The following IGF1 variants were observed in gnomAD, a reference collection of about 807,000 sequenced individuals.
IGF1 encodes insulin-like growth factor 1.
IGF1 carries 4 observed loss-of-function variants against 13.8 expected under a neutral mutation model. The observed-to-expected ratio is 0.29, with a 90% confidence interval of 0.14 to 0.66. The LOEUF is 0.66. IGF1 is among the 30% of genes least tolerant of loss of function. The probability of loss-of-function intolerance (pLI) is 0.78; values close to 1 mark genes in which losing one functional copy is unlikely to be tolerated. For synonymous variants in IGF1, 76 were observed against 72.6 expected (o/e 1.05, Z -0.23); for missense variants, 124 against 188.5 (o/e 0.66, Z 2.00).
chr12:102,473,743 G>A, intron 2 of IGF1, among the ~76,000 whole-genome samples: 1 of 152,186 alleles, frequency 6.6e-6, no homozygotes, highest in Non-Finnish European at 1.5e-5. Context: ...TGCAGTAACA[G>A]AATAAGAGAA....
intron 2 of IGF1, chr12:102,463,396 C>T (rs953717233): frequency 6.6e-6 from 1 of 152,212 alleles, no homozygotes; most frequent in Non-Finnish European, 1.5e-5. Context: ...TGAAGACAGA[C>T]AACACATCGA....
chr12:102,467,222 A>G (rs538481211), intron 2 of IGF1, among the ~76,000 whole-genome samples: 25 of 152,280 alleles, frequency 1.6e-4, no homozygotes, highest in African/African-American at 5.8e-4. Flanking sequence ...CAAATTTTCA[A>G]AGTTTAAAAG....
At chr12:102,410,223 G>A (rs901938056) in intron 3 of IGF1, among the ~76,000 whole-genome samples, 1 of 152,182 alleles carries the variant, frequency 6.6e-6, no homozygotes, top group African/African-American at 2.4e-5. Flanking sequence ...GCCAAGGGTA[G>A]TTTCCCTTGC....
chr12:102,461,792 G>A (rs894714477), intron 2 of IGF1, among the ~76,000 whole-genome samples: 6 of 152,142 alleles, frequency 3.9e-5, no homozygotes, highest in Admixed American at 1.3e-4. Context: ...ACCAACTTGA[G>A]GGAATCTGGA....
At chr12:102,464,481 G>A (rs1007038714) in intron 2 of IGF1, among the ~76,000 whole-genome samples, 2 of 148,586 alleles carry the variant, frequency 1.3e-5, no homozygotes, top group South Asian at 4.5e-4. Flanking sequence ...GTGAAAAACA[G>A]GAGGGGGGAA....
intron 1 of IGF1, among the ~76,000 whole-genome samples, chr12:102,478,947 A>C (rs1027712919): frequency 6.6e-6 from 1 of 152,078 alleles, no homozygotes; most frequent in South Asian, 2.1e-4. Flanking sequence ...CCCTCAAACC[A>C]CTTCCTGCTT....
chr12:102,473,453 G>A (rs1880811149), intron 2 of IGF1, among the ~76,000 whole-genome samples: 1 of 152,158 alleles, frequency 6.6e-6, no homozygotes, highest in Non-Finnish European at 1.5e-5. Context: ...AAATAAGATT[G>A]TCCAGTTGAC....
In IGF1 at chr12:102,402,244, A is replaced by ATT. The variant is rs371947838; in HGVS notation, c.*261_*262dup. The ATT allele has an allele frequency of 2.2e-3, 505 of 227,490 alleles. 2 individuals are homozygous for ATT. The highest frequency in any genetic ancestry group is 0.011 in the African/African-American group (450 of 42,200). 14.1% of individuals were successfully genotyped at this position (227,490 alleles called of 1,614,324 possible). On this transcript the variant is annotated 3_prime_UTR_variant, in exon 4 of 4. Coordinates refer to ENST00000337514, the MANE Select transcript of IGF1 (RefSeq NM_000618.5). Reference sequence around the variant, plus strand: ...GGGACTAAGATATATATATATATATATTTTTTTTTTCTTTTCTATAGAACA... The same window carrying ATT: ...GGGACTAAGATATATATATATATATATTTTTTTTTTTTCTTTTCTATAGAACA...
chr12:102,411,934 G>C (rs1467328850), intron 3 of IGF1, among the ~76,000 whole-genome samples: 1 of 152,156 alleles, frequency 6.6e-6, no homozygotes, highest in African/African-American at 2.4e-5. Flanking sequence ...ATAGAAGTAA[G>C]GGCAGGGGAT....
chr12:102,434,624 C>T (rs1485202159), intron 2 of IGF1, among the ~76,000 whole-genome samples: 3 of 151,782 alleles, frequency 2.0e-5, no homozygotes, highest in Admixed American at 2.0e-4. Context: ...GTGCATGTGT[C>T]TTTATAGCAG....
At chr12:102,441,284 A>C (rs1877691060) in intron 2 of IGF1, among the ~76,000 whole-genome samples, 1 of 152,110 alleles carries the variant, frequency 6.6e-6, no homozygotes, top group Admixed American at 6.6e-5. Context: ...GCTTACTCAG[A>C]CTCAAAATGT....
chr12:102,426,365 A>T (rs1876207277), intron 2 of IGF1, among the ~76,000 whole-genome samples: 1 of 152,252 alleles, frequency 6.6e-6, no homozygotes, highest in Non-Finnish European at 1.5e-5. Flanking sequence ...TATATGGTAA[A>T]CTATATAAAT....
intron 2 of IGF1, among the ~76,000 whole-genome samples, chr12:102,459,882 A>G (rs1879758707): frequency 6.6e-6 from 1 of 152,200 alleles, no homozygotes; most frequent in African/African-American, 2.4e-5. Flanking sequence ...TCTGGTAACT[A>G]TGTGATAGAA....
At chr12:102,458,729 C>CAAAAAAAAA (rs1879638396) in intron 2 of IGF1, among the ~76,000 whole-genome samples, 3 of 10,952 alleles carry the variant, frequency 2.7e-4, no homozygotes, top group African/African-American at 3.6e-4. Context: ...GGAACACTGA[C>CAAAAAAAAA]CAAAAAAAAA....
intron 1 of IGF1, among the ~76,000 whole-genome samples, chr12:102,477,532 C>T: frequency 1.3e-5 from 1 of 76,576 alleles, no homozygotes; most frequent in Admixed American, 1.9e-4. Flanking sequence ...TCATCCAGTT[C>T]TCATTTTTTT....
chr12:102,454,311 G>GCCATTAA (rs1879203040), intron 2 of IGF1, among the ~76,000 whole-genome samples: 4 of 152,196 alleles, frequency 2.6e-5, no homozygotes, highest in African/African-American at 9.7e-5. Context: ...TCTGAAGCTT[G>GCCATTAA]CCATTAACCA....
intron 2 of IGF1, 137 bp from the exon 3 acceptor site, chr12:102,419,827 C>T: frequency 2.5e-6 from 2 of 805,148 alleles, no homozygotes; most frequent in South Asian, 2.9e-5. Flanking sequence ...GAAACTTCCC[C>T]AATGATTCCT....
intron 2 of IGF1, among the ~76,000 whole-genome samples, chr12:102,460,901 G>T (rs1879847495): frequency 6.6e-6 from 1 of 152,166 alleles, no homozygotes; most frequent in African/African-American, 2.4e-5. Flanking sequence ...TAAAAGATGT[G>T]TGAAAACAAT....
intron 2 of IGF1, among the ~76,000 whole-genome samples, chr12:102,444,938 C>T (rs1185484523): frequency 6.6e-6 from 1 of 152,030 alleles, no homozygotes; most frequent in Non-Finnish European, 1.5e-5. Flanking sequence ...ACTCAAGAGC[C>T]AAATGACCAT....
Sources: allele counts gnomAD v4.1 joint callset (sites outside exome capture counted in the v4.1 genomes callset), GRCh38; gene constraint gnomAD v4.1.1; transcripts MANE v1.5; gene names NCBI Gene and HGNC (gene_info 2026-07-23, HGNC 2026-07-21).